The following ZNF423 variants were observed in gnomAD, a reference collection of about 807,000 sequenced individuals.
ZNF423 encodes zinc finger protein 423.
ZNF423 carries 12 observed loss-of-function variants against 95.8 expected under a neutral mutation model. The ratio of observed to expected loss-of-function variants is 0.13; its 90% confidence interval spans 0.08 to 0.20. ZNF423 has a LOEUF of 0.20. Among genes scored for constraint, ZNF423 ranks in the 10% least tolerant of loss-of-function variants. The pLI, the probability that ZNF423 is intolerant of heterozygous loss-of-function variation, is 1.00. For synonymous variants in ZNF423, 749 were observed against 711.9 expected, an observed-to-expected ratio of 1.05 and a Z score of -0.83; for missense variants, 1,316 against 1,737.1, an observed-to-expected ratio of 0.76 and a Z score of 4.31.
chr16:49,656,205 C>T (rs532680292), intron 3 of ZNF423, among the ~76,000 whole-genome samples: 7 of 152,102 alleles, frequency 4.6e-5, no homozygotes, highest in African/African-American at 1.4e-4. Flanking sequence ...GCTCTCAATG[C>T]GAATAAAGAA....
At chr16:49,551,643 A>T (rs573380891) in intron 5 of ZNF423, among the ~76,000 whole-genome samples, 1 of 152,202 alleles carries the variant, frequency 6.6e-6, no homozygotes, top group African/African-American at 2.4e-5. Context: ...CGCAGGGTGC[A>T]TGGAAGCTGG....
chr16:49,755,826 G>A (rs192011181), intron 2 of ZNF423, among the ~76,000 whole-genome samples: 3 of 152,302 alleles, frequency 2.0e-5, no homozygotes, highest in Admixed American at 2.0e-4. Flanking sequence ...AATGCCCAAA[G>A]GACTTCAGGT....
chr16:49,580,656 C>A (rs1332425097), intron 5 of ZNF423, among the ~76,000 whole-genome samples: 1 of 152,186 alleles, frequency 6.6e-6, no homozygotes, highest in Non-Finnish European at 1.5e-5. Context: ...TTCCTTGTTC[C>A]TTCTTAATTC....
intron 5 of ZNF423, among the ~76,000 whole-genome samples, chr16:49,542,873 G>T (rs564302177): frequency 1.5e-4 from 23 of 152,298 alleles, no homozygotes; most frequent in Non-Finnish European, 3.2e-4. Flanking sequence ...GAGCAGCTGA[G>T]CTCAGAGCAC....
At chr16:49,508,637 A>G (rs1967755916) in intron 7 of ZNF423, among the ~76,000 whole-genome samples, 1 of 152,122 alleles carries the variant, frequency 6.6e-6, no homozygotes, top group South Asian at 2.1e-4. Flanking sequence ...TCAATGTTAT[A>G]AAAACAGTGA....
At chr16:49,535,265 G>C (rs1420062532) in intron 5 of ZNF423, among the ~76,000 whole-genome samples, 2 of 152,206 alleles carry the variant, frequency 1.3e-5, no homozygotes, top group Non-Finnish European at 2.9e-5. Context: ...TAGCACTGAG[G>C]TGCAAGCAGC....
intron 5 of ZNF423, among the ~76,000 whole-genome samples, chr16:49,614,533 G>C (rs777470701): frequency 3.9e-5 from 6 of 152,186 alleles, no homozygotes; most frequent in Non-Finnish European, 7.3e-5. Flanking sequence ...ACAGAGAAGA[G>C]AGTAGTGGTT....
At chr16:49,848,619 C>G (rs150157945) in intron 1 of ZNF423, among the ~76,000 whole-genome samples, 1 of 152,280 alleles carries the variant, frequency 6.6e-6, no homozygotes, top group Admixed American at 6.5e-5. Context: ...ATCCACAGAG[C>G]CCCATTTTAT....
chr16:49,844,785 C>T (rs922094200), intron 1 of ZNF423, among the ~76,000 whole-genome samples: 4 of 152,140 alleles, frequency 2.6e-5, no homozygotes, highest in African/African-American at 7.2e-5. Flanking sequence ...CGCCTGTAAT[C>T]CCAGCACTCT....
intron 3 of ZNF423, among the ~76,000 whole-genome samples, chr16:49,663,887 C>T (rs967079008): frequency 6.6e-6 from 1 of 152,204 alleles, no homozygotes; most frequent in East Asian, 1.9e-4. Flanking sequence ...GGCAGCTGGC[C>T]GCCCACTTTT....
At chr16:49,671,269 G>A (rs548431981) in intron 3 of ZNF423, among the ~76,000 whole-genome samples, 4 of 152,212 alleles carry the variant, frequency 2.6e-5, no homozygotes, top group Admixed American at 6.5e-5. Flanking sequence ...GGTAAGGGAC[G>A]AGGTGTGAAG....
At chr16:49,748,630 T>G (rs1245069291) in intron 2 of ZNF423, among the ~76,000 whole-genome samples, 2 of 152,188 alleles carry the variant, frequency 1.3e-5, no homozygotes, top group African/African-American at 4.8e-5. Flanking sequence ...CATCACCTGA[T>G]CACTTACTAC....
chr16:49,604,184 C>T (rs1446542489), intron 5 of ZNF423, among the ~76,000 whole-genome samples: 1 of 152,236 alleles, frequency 6.6e-6, no homozygotes, highest in African/African-American at 2.4e-5. Context: ...GGGCCCCTCA[C>T]CACTGTCTCT....
chr16:49,810,078 G>T (rs1028571546), intron 1 of ZNF423, among the ~76,000 whole-genome samples: 2 of 152,120 alleles, frequency 1.3e-5, no homozygotes, highest in Admixed American at 6.5e-5. Flanking sequence ...TGAAGGCTTG[G>T]TCCACCCTTG....
chr16:49,783,648 G>A (rs2034257035), intron 2 of ZNF423, among the ~76,000 whole-genome samples: 1 of 150,688 alleles, frequency 6.6e-6, no homozygotes, highest in African/African-American at 2.4e-5. Flanking sequence ...TAGGGTTAGG[G>A]CTAGTGCCAG....
chr16:49,511,770 G>GTGA (rs139940431), intron 7 of ZNF423, among the ~76,000 whole-genome samples: 28 of 152,188 alleles, frequency 1.8e-4, no homozygotes, highest in East Asian at 3.9e-4. Flanking sequence ...AATGACAACA[G>GTGA]TGATGATGAT....
At chr16:49,611,342 G>A (rs1315140907) in intron 5 of ZNF423, among the ~76,000 whole-genome samples, 1 of 151,896 alleles carries the variant, frequency 6.6e-6, no homozygotes, top group African/African-American at 2.4e-5. Context: ...GAAATTAATA[G>A]CAGAAAGGCA....
rs541500281 is a variant in ZNF423, at chr16:49,586,847, A to C, written c.3601+39323T>G. On this transcript the variant is annotated intron_variant, in intron 5 of 7. Coordinates refer to ENST00000563137, the MANE Select transcript of ZNF423 (RefSeq NM_001379286.1). ...CCGGATGCCAACATGAGCCTGGCTG[A>C]TTTTTCTTGTTCACCTCGGAATCCT... is the stretch of plus-strand genomic sequence containing the variant. Among the ~76,000 whole-genome samples, 40 of 152,180 alleles carry C rather than the reference A, an allele frequency of 2.6e-4. 2 individuals carry two copies. The South Asian group carries it at 8.3e-3, about 32-fold the overall frequency.
chr16:49,601,396 G>T (rs1446704759), intron 5 of ZNF423, among the ~76,000 whole-genome samples: 1 of 152,146 alleles, frequency 6.6e-6, no homozygotes, highest in Non-Finnish European at 1.5e-5. Flanking sequence ...ACAGGGCCTG[G>T]CATATAAGTG....
Sources: allele counts gnomAD v4.1 joint callset (sites outside exome capture counted in the v4.1 genomes callset), GRCh38; gene constraint gnomAD v4.1.1; transcripts MANE v1.5; gene names NCBI Gene and HGNC (gene_info 2026-07-23, HGNC 2026-07-21).